The following CLSTN2 variants were observed in gnomAD, a reference collection of about 807,000 sequenced individuals.
CLSTN2 encodes the protein calsyntenin 2.
In CLSTN2, 48 loss-of-function variants were observed where a neutral mutation model predicts 101.2. The observed-to-expected ratio is 0.47, with a 90% confidence interval of 0.38 to 0.60. The LOEUF (loss-of-function observed/expected upper bound fraction) is 0.60. Ranked by LOEUF, CLSTN2 falls within the 20% of genes least tolerant of loss-of-function variation. The pLI, the probability that CLSTN2 is intolerant of heterozygous loss-of-function variation, is 0.00. For missense variants in CLSTN2, 1,160 were observed against 1,238.2 expected (o/e 0.94, Z 0.95); for synonymous variants, 481 against 463.6 (o/e 1.04, Z -0.48).
At chr3:140,557,512 C>T (rs1935823566) in intron 11 of CLSTN2, among the ~76,000 whole-genome samples, 1 of 152,138 alleles carries the variant, frequency 6.6e-6, no homozygotes, top group African/African-American at 2.4e-5. Flanking sequence ...ACAAATTGGC[C>T]TGCGTCCTGC....
intron 1 of CLSTN2, among the ~76,000 whole-genome samples, chr3:139,952,020 C>G (rs1576374297): frequency 6.6e-6 from 1 of 152,110 alleles, no homozygotes; most frequent in African/African-American, 2.4e-5. Flanking sequence ...AAGAGAGAGG[C>G]TGGATTGCCT....
At chr3:140,250,923 A>C (rs1340516907) in intron 2 of CLSTN2, among the ~76,000 whole-genome samples, 1 of 152,244 alleles carries the variant, frequency 6.6e-6, no homozygotes, top group African/African-American at 2.4e-5. Flanking sequence ...TAGTAAATCC[A>C]GAAGTGACAA....
Position 140,403,762 on chromosome 3 carries a change from C to G in CLSTN2, c.366C>G (p.Phe122Leu). 6.2e-7 allele frequency: 1 copy of G among 1,614,168 alleles called. No individual in the cohort carries two copies. The highest frequency in any genetic ancestry group is 8.5e-7 in the Non-Finnish European group (1 of 1,180,030). The change falls in exon 3 of 17, where the codon TTC becomes TTG. Residue 122 changes from phenylalanine to leucine, a missense_variant. Physicochemically the swap from Phe to Leu is conservative, Grantham distance 22 (BLOSUM62 0). Transcript: ENST00000458420. The stretch of plus-strand genomic sequence containing the variant: ...GTGAGTTGCAGAAGGAGTACACATT[C>G]ATCATCCAGGCCTATGACTGTGGTG... ...IDCELQKEYT[F>L]IIQAYDCGAG...
At chr3:140,218,057 A>G (rs2010941602) in intron 2 of CLSTN2, among the ~76,000 whole-genome samples, 1 of 152,210 alleles carries the variant, frequency 6.6e-6, no homozygotes, top group South Asian at 2.1e-4. Flanking sequence ...TTTTCTAAGA[A>G]TTTATCAAAA....
intron 5 of CLSTN2, among the ~76,000 whole-genome samples, chr3:140,433,231 G>T (rs60478446): frequency 0.029 from 4,375 of 152,298 alleles, 201 homozygotes; most frequent in African/African-American, 0.098. Context: ...CATGGCTTGT[G>T]GATGGTGGAG....
At chr3:140,308,506 C>T (rs2087135141) in intron 2 of CLSTN2, among the ~76,000 whole-genome samples, 2 of 152,256 alleles carry the variant, frequency 1.3e-5, no homozygotes, top group South Asian at 4.1e-4. Context: ...GAGGAATCTG[C>T]ATCTCCTTTG....
rs1175559764 is a variant in CLSTN2 at position 140,577,048 on chromosome 3, T to C, written c.*10795T>C. ...CCCCACTCCTTTTCATAGAATCCTC[T>C]CTCAGGCCTAACTGAGCTGTCATAT... On this transcript the variant is annotated 3_prime_UTR_variant, in exon 17 of 17. Transcript: ENST00000458420. 6.6e-6 allele frequency: 1 copy of C among 152,098 alleles called. No individual in the cohort carries two copies. The highest frequency in any genetic ancestry group is 1.5e-5 in the Non-Finnish European group (1 of 68,018). 9.4% of individuals were successfully genotyped at this position (152,098 alleles called of 1,614,324 possible). A position where few individuals can be genotyped will look rare whatever the true frequency, so the allele number is the denominator to read the frequency against.
intron 2 of CLSTN2, among the ~76,000 whole-genome samples, chr3:140,182,705 G>C (rs2010428674): frequency 6.6e-6 from 1 of 152,166 alleles, no homozygotes; most frequent in Non-Finnish European, 1.5e-5. Flanking sequence ...GACCTATCTG[G>C]AATCCACCAT....
chr3:140,257,931 T>C (rs1247763552), intron 2 of CLSTN2, among the ~76,000 whole-genome samples: 1 of 152,192 alleles, frequency 6.6e-6, no homozygotes, highest in African/African-American at 2.4e-5. Flanking sequence ...TCTTCACATA[T>C]ATTCTTTTCA....
Position 140,171,125 on chromosome 3 carries a change from G to A in CLSTN2, c.110-4826G>A, listed in dbSNP as rs189512332. On this transcript the variant is annotated intron_variant, in intron 1 of 16. Transcript: ENST00000458420. ...CCAACAGCTGCAAATTATTTACATTGCATTTGTGTTGATGGCTAATAAAAG... is the reference window on the plus strand; with the variant it reads ...CCAACAGCTGCAAATTATTTACATTACATTTGTGTTGATGGCTAATAAAAG... 2.0e-4 allele frequency among the ~76,000 whole-genome samples: 30 copies of A among 152,256 alleles called. No homozygotes were observed. In the East Asian group the frequency reaches 2.9e-3, roughly 15 times the overall value.
At chr3:140,378,392 A>C (rs2087943074) in intron 2 of CLSTN2, among the ~76,000 whole-genome samples, 1 of 152,260 alleles carries the variant, frequency 6.6e-6, no homozygotes, top group African/African-American at 2.4e-5. Flanking sequence ...GTTTAATTCT[A>C]TTCCAGGCCC....
chr3:140,002,447 A>ATTATGG (rs1343700968), intron 1 of CLSTN2, among the ~76,000 whole-genome samples: 2 of 152,158 alleles, frequency 1.3e-5, no homozygotes, highest in Non-Finnish European at 2.9e-5. Flanking sequence ...TTCCTTATAT[A>ATTATGG]TTATGGTTAT....
Position 140,202,456 on chromosome 3 carries a change from A to T in CLSTN2, c.232+26383A>T, listed in dbSNP as rs563010279. ...ATTTGGCACCTAAACAACTGGAAGG[A>T]TGGAGGTGTCATTGCTGAGTTGGAG... On this transcript the variant is annotated intron_variant, in intron 2 of 16. Coordinates refer to ENST00000458420, the MANE Select transcript of CLSTN2 (RefSeq NM_022131.3). Among the ~76,000 whole-genome samples, 8 of 152,316 alleles carry T rather than the reference A, an allele frequency of 5.3e-5. No individual in the cohort carries two copies. The East Asian group carries it at 1.4e-3, about 26-fold the overall frequency.
rs1985444767 is a variant in CLSTN2 at position 140,569,250 on chromosome 3, A to T, written c.*2997A>T. On this transcript the variant is annotated 3_prime_UTR_variant, in exon 17 of 17. Transcript: ENST00000458420. ...ACCCTCCATATGCTGGCATCCAGGA[A>T]CCAAAACCCCTGAAGGCCTAGACAC... 1 of 152,236 alleles carries T rather than the reference A, an allele frequency of 6.6e-6. No individual in the cohort carries two copies. Among genetic ancestry groups the T allele is most frequent in the Non-Finnish European group, 1.5e-5 (1 of 68,092 alleles). 9.4% of individuals were successfully genotyped at this position (152,236 alleles called of 1,614,324 possible). A position where few individuals can be genotyped will look rare whatever the true frequency, so the allele number is the denominator to read the frequency against.
At chr3:140,097,080 A>G (rs2107788299) in intron 1 of CLSTN2, among the ~76,000 whole-genome samples, 1 of 152,286 alleles carries the variant, frequency 6.6e-6, no homozygotes, top group Middle Eastern at 3.4e-3. Context: ...CAGCCCCAAT[A>G]TTGGGTACAA....
At chr3:140,295,190 A>G (rs2086991339) in intron 2 of CLSTN2, among the ~76,000 whole-genome samples, 1 of 152,142 alleles carries the variant, frequency 6.6e-6, no homozygotes, top group African/African-American at 2.4e-5. Flanking sequence ...ATTATAAGTG[A>G]GTATGATCAC....
intron 5 of CLSTN2, among the ~76,000 whole-genome samples, chr3:140,430,644 G>A (rs201661073): frequency 6.6e-6 from 1 of 152,140 alleles, no homozygotes; most frequent in East Asian, 1.9e-4. Flanking sequence ...TGAAGCTCTT[G>A]TTGTCCATTG....
At chr3:140,023,872 T>G (rs1576400465) in intron 1 of CLSTN2, among the ~76,000 whole-genome samples, 1 of 152,278 alleles carries the variant, frequency 6.6e-6, no homozygotes. Context: ...TGAGCCTGGG[T>G]GTGTCCTCCG....
At chr3:140,464,048 C>T (rs1037474558) in intron 7 of CLSTN2, among the ~76,000 whole-genome samples, 1 of 152,178 alleles carries the variant, frequency 6.6e-6, no homozygotes, top group East Asian at 1.9e-4. Flanking sequence ...GCAGGGCCAT[C>T]CTTACAGAGG....
Sources: allele counts gnomAD v4.1 joint callset (sites outside exome capture counted in the v4.1 genomes callset), GRCh38; gene constraint gnomAD v4.1.1; transcripts MANE v1.5; gene names NCBI Gene and HGNC (gene_info 2026-07-23, HGNC 2026-07-21).